Variants in DOCK5 observed in about 807,000 individuals in gnomAD.
DOCK5 encodes dedicator of cytokinesis protein 5.
In DOCK5, 142 loss-of-function variants were observed where a neutral mutation model predicts 251.8. The observed-to-expected ratio is 0.56, with a 90% CI of 0.49 to 0.65. The LOEUF is 0.65. DOCK5 is among the 30% of genes least tolerant of loss of function. DOCK5 has a pLI of 0.00. For synonymous variants in DOCK5, 842 were observed against 835.5 expected (o/e 1.01, Z -0.13); for missense variants, 2,111 against 2,312.3 (o/e 0.91, Z 1.79).
chr8:25,214,962 G>T (rs943718970), intron 1 of DOCK5, among the ~76,000 whole-genome samples: 1 of 152,174 alleles, frequency 6.6e-6, no homozygotes, highest in Non-Finnish European at 1.5e-5. Flanking sequence ...CTAGGGCCTG[G>T]AATGAAAGAC....
intron 7 of DOCK5, 144 bp from the exon 8 acceptor site, chr8:25,298,799 CT>C: frequency 1.1e-6 from 1 of 931,102 alleles, no homozygotes; most frequent in East Asian, 2.9e-5. Flanking sequence ...TCCTGGGCCT[CT>C]AGTAGCACTG....
At chr8:25,210,041 T>TATATATATAA (rs1563309172) in intron 1 of DOCK5, among the ~76,000 whole-genome samples, 11 of 17,316 alleles carry the variant, frequency 6.4e-4, no homozygotes, top group African/African-American at 3.1e-3. Flanking sequence ...TATAAATGTG[T>TATATATATAA]GTGTGTGTGT....
intron 2 of DOCK5, among the ~76,000 whole-genome samples, chr8:25,259,504 A>G (rs1803513345): frequency 6.6e-6 from 1 of 152,174 alleles, no homozygotes; most frequent in Non-Finnish European, 1.5e-5. Flanking sequence ...CACCTAGGGT[A>G]GAACACAGTG....
chr8:25,186,027 C>T (rs184146050), intron 1 of DOCK5, among the ~76,000 whole-genome samples: 76 of 152,296 alleles, frequency 5.0e-4, no homozygotes, highest in African/African-American at 1.8e-3. Context: ...TTTGACTTTA[C>T]TCCCTTACTG....
At chr8:25,374,439 G>A (rs1414069414) in intron 36 of DOCK5, 125 bp from the exon 37 acceptor site, 2 of 893,174 alleles carry the variant, frequency 2.2e-6, no homozygotes, top group Non-Finnish European at 3.4e-6. Context: ...AGGCTGCAGT[G>A]AGCCATGATC....
At position 25,312,030 on chromosome 8, in the gene DOCK5, A is replaced by G. The variant is rs529948708; in HGVS notation, c.1318+1498A>G. On this transcript the variant is annotated intron_variant, in intron 13 of 51. Coordinates refer to ENST00000276440, the MANE Select transcript of DOCK5 (RefSeq NM_024940.8). ...GTTGCTGCCCACATTGTCTACATGTAGTGGGTCTTAAATGAGTATTTGTGG... is the reference window on the plus strand; with the variant it reads ...GTTGCTGCCCACATTGTCTACATGTGGTGGGTCTTAAATGAGTATTTGTGG... 3.2e-4 allele frequency among the ~76,000 whole-genome samples: 49 copies of G among 152,208 alleles called. 1 individual carries two copies. Among genetic ancestry groups the G allele is most frequent in the Non-Finnish European group, 5.4e-4 (37 of 68,038 alleles).
intron 1 of DOCK5, among the ~76,000 whole-genome samples, chr8:25,189,743 G>A (rs1300983909): frequency 6.6e-6 from 1 of 152,174 alleles, no homozygotes; most frequent in Non-Finnish European, 1.5e-5. Context: ...AGGCAGTTTT[G>A]GGAAATATTA....
At chr8:25,410,529 A>G (rs1285779345) in intron 51 of DOCK5, among the ~76,000 whole-genome samples, 1 of 152,182 alleles carries the variant, frequency 6.6e-6, no homozygotes, top group Non-Finnish European at 1.5e-5. Context: ...TAGTGCGATC[A>G]TAGCTCACTG....
At chr8:25,341,889 C>T (rs958557329) in intron 24 of DOCK5, 80 bp downstream of exon 24, 6 of 1,143,510 alleles carry the variant, frequency 5.2e-6, no homozygotes, top group Middle Eastern at 2.0e-4. Flanking sequence ...GGCTGCTACA[C>T]CTGGCTTTTA....
chr8:25,408,693 A>G, intron 49 of DOCK5, 109 bp from the exon 50 acceptor site: 2 of 1,357,868 alleles, frequency 1.5e-6, no homozygotes, highest in Non-Finnish European at 2.0e-6. Flanking sequence ...TCGCTCCTTC[A>G]GTTAAGTCCT....
intron 8 of DOCK5, chr8:25,299,407 C>G (rs1804700381): frequency 3.7e-6 from 1 of 271,336 alleles, no homozygotes; most frequent in Non-Finnish European, 6.9e-6. Flanking sequence ...ATAGGCAGAG[C>G]ACAGAGGATT....
At chr8:25,223,200 C>G (rs1421422818) in intron 1 of DOCK5, among the ~76,000 whole-genome samples, 1 of 152,204 alleles carries the variant, frequency 6.6e-6, no homozygotes, top group South Asian at 2.1e-4. Context: ...GAGACAAGGT[C>G]TCACTACGTT....
chr8:25,310,714 A>G (rs926477276), intron 13 of DOCK5, among the ~76,000 whole-genome samples, 182 bp downstream of exon 13: 5 of 152,212 alleles, frequency 3.3e-5, no homozygotes, highest in Non-Finnish European at 5.9e-5. Context: ...CTAATTTGTC[A>G]TTATTACAAA....
At chr8:25,299,582 GT>G (rs2117163689) in intron 8 of DOCK5, 1 of 152,560 alleles carries the variant, frequency 6.6e-6, no homozygotes, top group Admixed American at 6.5e-5. Flanking sequence ...TTTAACTAAT[GT>G]TACTACTATG....
chr8:25,210,063 TG>T lies in DOCK5; in HGVS notation c.43+25113del, dbSNP rs1160942341. The stretch of plus-strand genomic sequence containing the variant: ...GTGTGTGTGTGTGTGTGTGTGTGTG[TG>T]TGTGTATCTGTCTATTTATCTATCT... On this transcript the variant is annotated intron_variant, in intron 1 of 51. Coordinates refer to ENST00000276440, the MANE Select transcript of DOCK5 (RefSeq NM_024940.8). Among the ~76,000 whole-genome samples the T allele has an allele frequency of 3.0e-3, 81 of 27,242 alleles. 13 individuals are homozygous for T. Among genetic ancestry groups the T allele is most frequent in the Admixed American group, 5.7e-3 (10 of 1,752 alleles). 17.9% of individuals were successfully genotyped at this position (27,242 alleles called of 152,430 possible). A position where few individuals can be genotyped will look rare whatever the true frequency, so the allele number is the denominator to read the frequency against.
At position 25,306,939 on chromosome 8, in the gene DOCK5, A is replaced by G. The variant is rs566489389; in HGVS notation, c.1050-1844A>G. Among the ~76,000 whole-genome samples, 13 of 152,272 alleles carry G rather than the reference A, an allele frequency of 8.5e-5. No individual in the cohort carries two copies. The East Asian group carries it at 2.3e-3, about 27-fold the overall frequency. ...ACACCTACGCTGTATGGTATAGCCT[A>G]TTGCTCCTAGACTGTAAACCTGTCC... On this transcript the variant is annotated intron_variant, in intron 11 of 51. Coordinates refer to ENST00000276440, the MANE Select transcript of DOCK5 (RefSeq NM_024940.8).
chr8:25,393,447 A>G (rs1017940010), intron 44 of DOCK5, among the ~76,000 whole-genome samples: 10 of 152,286 alleles, frequency 6.6e-5, no homozygotes, highest in Middle Eastern at 3.4e-3. Flanking sequence ...TCTCGTGCTT[A>G]AAGTCCTTCC....
chr8:25,323,062 C>G (rs145382936), intron 16 of DOCK5, among the ~76,000 whole-genome samples: 1,686 of 152,252 alleles, frequency 0.011, 16 homozygotes, highest in Non-Finnish European at 0.019. Flanking sequence ...AGAGCCGTGC[C>G]TATGATAAAA....
chr8:25,226,948 CT>C (rs1467254933), intron 1 of DOCK5, among the ~76,000 whole-genome samples: 12 of 152,216 alleles, frequency 7.9e-5, no homozygotes, highest in African/African-American at 2.9e-4. Flanking sequence ...ATCTGACTCA[CT>C]TTCCTTTAAA....
Sources: gnomAD v4.1 joint callset for allele counts (sites outside exome capture counted in the v4.1 genomes callset) on GRCh38, gnomAD v4.1.1 for gene constraint, MANE v1.5 for transcripts, NCBI Gene and HGNC (gene_info 2026-07-23, HGNC 2026-07-21) for gene names.